Variants in PBX1 observed in about 807,000 individuals in gnomAD.
PBX1 encodes PBX homeobox 1, also known as pre-B-cell leukemia transcription factor 1.
PBX1 carries 6 observed loss-of-function variants against 53.4 expected under a neutral mutation model. That is an observed-to-expected ratio of 0.11 (90% CI 0.06 to 0.22). The LOEUF (loss-of-function observed/expected upper bound fraction) is 0.22. Among genes scored for constraint, PBX1 ranks in the 10% least tolerant of loss-of-function variants. The probability of loss-of-function intolerance (pLI) is 1.00; values close to 1 mark genes in which losing one functional copy is unlikely to be tolerated. For synonymous variants in PBX1, 204 were observed against 212.3 expected, an observed-to-expected ratio of 0.96 and a Z score of 0.34; for missense variants, 251 against 551.4, an observed-to-expected ratio of 0.46 and a Z score of 5.46.
intron 2 of PBX1, among the ~76,000 whole-genome samples, chr1:164,577,532 T>C (rs149664431): frequency 2.0e-5 from 3 of 152,340 alleles, no homozygotes; most frequent in African/African-American, 7.2e-5. Flanking sequence ...TACACATGCC[T>C]AAGCCATATT....
intron 2 of PBX1, among the ~76,000 whole-genome samples, chr1:164,791,232 A>C (rs975175358): frequency 1.4e-5 from 2 of 139,150 alleles, no homozygotes; most frequent in African/African-American, 6.8e-5. Context: ...AAGGGGTAGT[A>C]AAAAAGACTG....
chr1:164,636,156 C>CT (rs142099507), intron 2 of PBX1, among the ~76,000 whole-genome samples: 45,823 of 148,440 alleles, frequency 0.31, 7,338 homozygotes, highest in Middle Eastern at 0.42. Flanking sequence ...CTCTCTCTCT[C>CT]TTTTTTTTTT....
chr1:164,870,358 T>TTTCTTTCTTTCC (rs1672352660), intron 2 of PBX1, among the ~76,000 whole-genome samples: 3 of 103,672 alleles, frequency 2.9e-5, no homozygotes, highest in Non-Finnish European at 6.2e-5. Flanking sequence ...TCTTTCTTTC[T>TTTCTTTCTTTCC]TTCGAGATGA....
intron 2 of PBX1, among the ~76,000 whole-genome samples, chr1:164,785,240 C>T (rs1668118928): frequency 6.6e-6 from 1 of 152,140 alleles, no homozygotes; most frequent in Admixed American, 6.5e-5. Context: ...ACAGAATCAT[C>T]AGTCATTTCT....
At chr1:164,808,630 A>T (rs74118210) in intron 5 of PBX1, among the ~76,000 whole-genome samples, 3,360 of 152,234 alleles carry the variant, frequency 0.022, 131 homozygotes, top group African/African-American at 0.077. Flanking sequence ...ATATAAACTA[A>T]GCATCTGTAC....
intron 2 of PBX1, among the ~76,000 whole-genome samples, chr1:164,751,887 A>G (rs1437998338): frequency 7.2e-5 from 11 of 152,074 alleles, no homozygotes; most frequent in Non-Finnish European, 1.6e-4. Flanking sequence ...CGGCCAGTTT[A>G]TTGCTTTTAA....
At chr1:164,821,297 A>G (rs3767364) in intron 7 of PBX1, among the ~76,000 whole-genome samples, 36,086 of 150,804 alleles carry the variant, frequency 0.24, 4,625 homozygotes, top group Non-Finnish European at 0.28. Flanking sequence ...ACTAGTTTCA[A>G]TGTGGAGATC....
intron 2 of PBX1, among the ~76,000 whole-genome samples, chr1:164,873,985 C>T (rs1222043563): frequency 6.8e-6 from 1 of 147,244 alleles, no homozygotes; most frequent in African/African-American, 2.5e-5. Flanking sequence ...ATACATTTGA[C>T]CCAAGATTAC....
chr1:164,612,470 C>T (rs1487380402), intron 2 of PBX1, among the ~76,000 whole-genome samples: 2 of 152,176 alleles, frequency 1.3e-5, no homozygotes, highest in East Asian at 3.9e-4. Context: ...GTTTCTCTGG[C>T]TCTGCTCGAG....
At chr1:164,688,859 G>T (rs538049910) in intron 2 of PBX1, among the ~76,000 whole-genome samples, 2 of 152,322 alleles carry the variant, frequency 1.3e-5, no homozygotes, top group African/African-American at 4.8e-5. Context: ...CTGCTGTAAT[G>T]CAAGTCTGGG....
At chr1:164,804,703 C>G (rs1419744342) in intron 4 of PBX1, among the ~76,000 whole-genome samples, 1 of 152,178 alleles carries the variant, frequency 6.6e-6, no homozygotes, top group Non-Finnish European at 1.5e-5. Flanking sequence ...AAGTGTAGAA[C>G]TGTCAGGACA....
rs539633658 is a variant in PBX1 at position 164,588,596 on chromosome 1, T to C, written c.265+25285T>C. 3.3e-5 allele frequency among the ~76,000 whole-genome samples: 5 copies of C among 152,122 alleles called. No homozygotes were observed. In the East Asian group the frequency reaches 9.7e-4, roughly 29 times the overall value. On this transcript the variant is annotated intron_variant, in intron 2 of 8. Coordinates refer to ENST00000420696, the MANE Select transcript of PBX1 (RefSeq NM_002585.4). ...AAAGCAATGAGTTTCATCTGTTTTT[T>C]TCCCCACCTCTGGTTCCTTCTTCCT...
intron 2 of PBX1, among the ~76,000 whole-genome samples, chr1:164,665,117 G>A (rs1389690390): frequency 6.6e-6 from 1 of 152,058 alleles, no homozygotes; most frequent in Non-Finnish European, 1.5e-5. Context: ...TGTCTAAATG[G>A]GAAAGACTAG....
chr1:164,667,897 T>C (rs1445702001), intron 2 of PBX1, among the ~76,000 whole-genome samples: 1 of 152,184 alleles, frequency 6.6e-6, no homozygotes, highest in Non-Finnish European at 1.5e-5. Flanking sequence ...TAGCCTTTCC[T>C]AGTCTCAGGT....
intron 2 of PBX1, among the ~76,000 whole-genome samples, chr1:164,668,101 T>C (rs1182969685): frequency 6.6e-6 from 1 of 152,190 alleles, no homozygotes; most frequent in African/African-American, 2.4e-5. Context: ...GAATTCCTCC[T>C]TTACGTTTGG....
intron 2 of PBX1, among the ~76,000 whole-genome samples, chr1:164,592,130 G>A (rs1475105889): frequency 6.6e-6 from 1 of 151,886 alleles, no homozygotes; most frequent in Non-Finnish European, 1.5e-5. Context: ...CTGGAGGGAG[G>A]TGGGGAGGAG....
chr1:164,730,474 T>C (rs1186331244), intron 2 of PBX1, among the ~76,000 whole-genome samples: 1 of 152,140 alleles, frequency 6.6e-6, no homozygotes, highest in Non-Finnish European at 1.5e-5. Context: ...CCTTATGACA[T>C]TAGTTAGTTG....
At chr1:164,655,271 G>C (rs977566550) in intron 2 of PBX1, among the ~76,000 whole-genome samples, 9 of 151,956 alleles carry the variant, frequency 5.9e-5, no homozygotes, top group African/African-American at 2.2e-4. Context: ...GCGCCACCAC[G>C]CCTGTCTAAT....
intron 2 of PBX1, among the ~76,000 whole-genome samples, chr1:164,686,048 G>C (rs969006189): frequency 2.0e-5 from 3 of 152,124 alleles, no homozygotes; most frequent in African/African-American, 7.2e-5. Context: ...GATGACATTG[G>C]CAATCAATGC....
Sources: gnomAD v4.1 joint callset for allele counts (sites outside exome capture counted in the v4.1 genomes callset) on GRCh38, gnomAD v4.1.1 for gene constraint, MANE v1.5 for transcripts, NCBI Gene and HGNC (gene_info 2026-07-23, HGNC 2026-07-21) for gene names.